TRAF5: variants seen among roughly 807,000 people sequenced by gnomAD.
The protein encoded by TRAF5 is TNF receptor-associated factor 5.
A neutral mutation model predicts 64.5 loss-of-function variants in TRAF5; 48 were observed. That is an observed-to-expected ratio of 0.74 (90% CI 0.59 to 0.95). The LOEUF (loss-of-function observed/expected upper bound fraction) is 0.95, where lower values mean the gene tolerates loss of function less well. Among genes scored for constraint, TRAF5 ranks in the 40% least tolerant of loss-of-function variants. TRAF5 has a pLI of 0.00. For missense variants in TRAF5, 545 were observed against 662.8 expected, an observed-to-expected ratio of 0.82 and a Z score of 1.95; for synonymous variants, 206 against 240.5, an observed-to-expected ratio of 0.86 and a Z score of 1.33.
chr1:211,344,058 A>G (rs1702520154), intron 1 of TRAF5, among the ~76,000 whole-genome samples: 2 of 152,140 alleles, frequency 1.3e-5, no homozygotes, highest in South Asian at 4.1e-4. Flanking sequence ...TAAAAGTACC[A>G]CCTGGAGTCA....
chr1:211,350,470 G>A (rs1365447236), intron 1 of TRAF5, among the ~76,000 whole-genome samples: 2 of 152,166 alleles, frequency 1.3e-5, no homozygotes, highest in Non-Finnish European at 2.9e-5. Flanking sequence ...GGTCCAGGAT[G>A]GTGCTGTACT....
At chr1:211,353,528 C>A (rs1378539932) in intron 2 of TRAF5, 71 bp downstream of exon 2, 4 of 1,460,246 alleles carry the variant, frequency 2.7e-6, no homozygotes, top group Non-Finnish European at 3.7e-6. Flanking sequence ...GGCCACTCAA[C>A]TGTTTTCATG....
intron 1 of TRAF5, 132 bp downstream of exon 1, chr1:211,327,021 CGACCGGCGGG>C (rs1702033380): frequency 2.5e-6 from 2 of 801,452 alleles, no homozygotes; most frequent in Non-Finnish European, 3.0e-6. Flanking sequence ...GGCCGGTCCC[CGACCGGCGGG>C]GAGGGCGCGA....
At chr1:211,355,166 CTG>C (rs1702920142) in intron 3 of TRAF5, among the ~76,000 whole-genome samples, 1 of 150,654 alleles carries the variant, frequency 6.6e-6, no homozygotes, top group South Asian at 2.1e-4. Flanking sequence ...GAGCAAGACT[CTG>C]TCTCAAAAAA....
Position 211,359,892 on chromosome 1 carries a change from C to T in TRAF5, c.379-20C>T. 6.2e-7 allele frequency: 1 copy of T among 1,613,646 alleles called. No individual in the cohort carries two copies. On this transcript the variant is annotated intron_variant, in intron 4 of 10. Coordinates refer to ENST00000261464, the MANE Select transcript of TRAF5 (RefSeq NM_001033910.3). ...CACCCTGGTCAGCAGGTCCCACTGG[C>T]CTGTTGTTATCTGTTGCAGGATCAC...
At position 211,371,456 on chromosome 1, in the gene TRAF5, A is replaced by G. The variant is rs757838386; in HGVS notation, c.1085A>G (p.Asn362Ser). The change falls in exon 10 of 11, where the codon AAT becomes AGT. Residue 362 changes from asparagine to serine, a missense_variant. Coordinates refer to ENST00000261464, the MANE Select transcript of TRAF5 (RefSeq NM_001033910.3). ...CAGAAAATTACCCTGCTAGAAAACA[A>G]TGATCAAAGATTAGGTATGTCTGAT... ...VKQKITLLEN[N>S]DQRLAVLEEE... 10 of 1,607,898 alleles carry G rather than the reference A, an allele frequency of 6.2e-6. No homozygotes were observed. The South Asian group carries it at 7.9e-5, about 13-fold the overall frequency.
chr1:211,332,970 G>A (rs537108097), intron 1 of TRAF5, among the ~76,000 whole-genome samples: 26 of 152,286 alleles, frequency 1.7e-4, no homozygotes, highest in African/African-American at 6.0e-4. Flanking sequence ...GACAGCCAGA[G>A]GCTAAGTTCT....
chr1:211,332,617 T>G (rs1233762672), intron 1 of TRAF5, among the ~76,000 whole-genome samples: 1 of 152,144 alleles, frequency 6.6e-6, no homozygotes, highest in Non-Finnish European at 1.5e-5. Context: ...AAAGGCAGAA[T>G]AATTTAATAT....
intron 1 of TRAF5, among the ~76,000 whole-genome samples, chr1:211,333,744 G>A (rs563980480): frequency 6.6e-6 from 1 of 151,566 alleles, no homozygotes; most frequent in Non-Finnish European, 1.5e-5. Flanking sequence ...TGATCTGCCC[G>A]TCTTGGCCTC....
chr1:211,332,093 C>G (rs1426071852), intron 1 of TRAF5, among the ~76,000 whole-genome samples: 1 of 152,154 alleles, frequency 6.6e-6, no homozygotes, highest in Non-Finnish European at 1.5e-5. Context: ...GGGATGAGTT[C>G]TTGGCAGGCA....
intron 1 of TRAF5, among the ~76,000 whole-genome samples, chr1:211,350,030 G>A (rs1056350885): frequency 6.6e-5 from 10 of 152,102 alleles, no homozygotes; most frequent in African/African-American, 2.4e-4. Flanking sequence ...GGCTGTGCAT[G>A]TAAATAAAAT....
At chr1:211,358,547 A>C in intron 4 of TRAF5, 1 of 150,778 alleles carries the variant, frequency 6.6e-6, no homozygotes, top group Non-Finnish European at 1.5e-5. Context: ...TGTCTCTACT[A>C]AAAATACAAA....
At chr1:211,345,347 T>G (rs1326699782) in intron 1 of TRAF5, among the ~76,000 whole-genome samples, 3 of 152,032 alleles carry the variant, frequency 2.0e-5, no homozygotes, top group African/African-American at 7.2e-5. Context: ...TGAGCCACTG[T>G]GCCAGCCCTG....
chr1:211,338,254 C>G (rs1702357726), intron 1 of TRAF5, among the ~76,000 whole-genome samples: 1 of 152,186 alleles, frequency 6.6e-6, no homozygotes, highest in South Asian at 2.1e-4. Context: ...AATGGGTCCC[C>G]CTTCCTCTGG....
rs1187691577 is a variant in TRAF5 at position 211,372,763 on chromosome 1, T to G, written c.*61T>G. On this transcript the variant is annotated 3_prime_UTR_variant, in exon 11 of 11. Coordinates refer to ENST00000261464, the MANE Select transcript of TRAF5 (RefSeq NM_001033910.3). ...CCAGAACTGTGGAGGAGAGCACATT[T>G]GATTATCATATTGACCTGGATTTAG... 7.1e-7 allele frequency: 1 copy of G among 1,418,368 alleles called. No homozygotes were observed. The highest frequency in any genetic ancestry group is 9.8e-7 in the Non-Finnish European group (1 of 1,023,260). The allele number at this position is 1,418,368 out of a possible 1,614,324, so 87.9% of individuals were successfully genotyped here. A position where few individuals can be genotyped will look rare whatever the true frequency, so the allele number is the denominator to read the frequency against.
At chr1:211,351,040 T>TC (rs1355980439) in intron 1 of TRAF5, among the ~76,000 whole-genome samples, 1 of 147,668 alleles carries the variant, frequency 6.8e-6, no homozygotes, top group Non-Finnish European at 1.5e-5. Context: ...TCTTTTTTTT[T>TC]TTTTTTTTTT....
Position 211,371,440 on chromosome 1 carries a change from A to T in TRAF5, c.1069A>T (p.Thr357Ser). ...EAVDTVKQKITLLENNDQRLA... is the reference protein window; with the variant it reads ...EAVDTVKQKISLLENNDQRLA... Reference sequence around the variant, plus strand: ...AGTTGATACAGTGAAACAGAAAATTACCCTGCTAGAAAACAATGATCAAAG... The same window carrying T: ...AGTTGATACAGTGAAACAGAAAATTTCCCTGCTAGAAAACAATGATCAAAG... The change falls in exon 10 of 11, where the codon ACC becomes TCC. Residue 357 changes from threonine to serine, a missense_variant. Coordinates refer to ENST00000261464, the MANE Select transcript of TRAF5 (RefSeq NM_001033910.3). The T allele has an allele frequency of 6.2e-7, 1 of 1,606,610 alleles. No homozygotes were observed. The highest frequency in any genetic ancestry group is 8.5e-7 in the Non-Finnish European group (1 of 1,178,442).
chr1:211,360,612 G>T, intron 5 of TRAF5, 90 bp from the exon 6 acceptor site: 1 of 1,021,616 alleles, frequency 9.8e-7, no homozygotes, highest in Non-Finnish European at 1.5e-6. Flanking sequence ...AGTAAGCCAC[G>T]TGACATATAA....
intron 1 of TRAF5, among the ~76,000 whole-genome samples, chr1:211,340,989 G>T (rs1005018959): frequency 5.3e-5 from 8 of 152,192 alleles, no homozygotes; most frequent in Non-Finnish European, 1.2e-4. Flanking sequence ...GAGCCACCGC[G>T]CCTGGCCTCT....
Sources: allele counts gnomAD v4.1 joint callset (sites outside exome capture counted in the v4.1 genomes callset), GRCh38; gene constraint gnomAD v4.1.1; transcripts MANE v1.5; gene names NCBI Gene and HGNC (gene_info 2026-07-23, HGNC 2026-07-21).